Variants in DLGAP1 observed in about 807,000 individuals in gnomAD.
The protein encoded by DLGAP1 is disks large-associated protein 1.
DLGAP1 carries 11 observed loss-of-function variants against 90.8 expected under a neutral mutation model. The ratio of observed to expected loss-of-function variants is 0.12; its 90% CI spans 0.08 to 0.20. DLGAP1 has a LOEUF of 0.20. DLGAP1 is among the 10% of genes least tolerant of loss of function. The pLI, the probability that DLGAP1 is intolerant of heterozygous loss-of-function variation, is 1.00. For synonymous variants in DLGAP1, 558 were observed against 540.7 expected, an observed-to-expected ratio of 1.03 and a Z score of -0.44; for missense variants, 1,050 against 1,333.8, an observed-to-expected ratio of 0.79 and a Z score of 3.31.
intron 3 of DLGAP1, among the ~76,000 whole-genome samples, chr18:3,931,442 G>A (rs1343515400): frequency 2.0e-5 from 3 of 152,118 alleles, no homozygotes; most frequent in African/African-American, 7.2e-5. Flanking sequence ...TGGTCAGATG[G>A]TGGTTTTTAA....
At chr18:3,590,588 C>A (rs2056177787) in intron 7 of DLGAP1, among the ~76,000 whole-genome samples, 1 of 152,098 alleles carries the variant, frequency 6.6e-6, no homozygotes, top group Non-Finnish European at 1.5e-5. Context: ...GGTACGGTGG[C>A]CCACACCTGT....
chr18:3,708,010 C>CATT (rs2061489379), intron 7 of DLGAP1, among the ~76,000 whole-genome samples: 1 of 145,958 alleles, frequency 6.9e-6, no homozygotes. Context: ...TTTGTAATTC[C>CATT]TTTTTTTTTT....
intron 2 of DLGAP1, among the ~76,000 whole-genome samples, chr18:4,127,448 G>GAA (rs1485587336): frequency 1.3e-5 from 2 of 152,022 alleles, no homozygotes; most frequent in Admixed American, 1.3e-4. Flanking sequence ...AGAGAGAAGA[G>GAA]AAAAGAAAAG....
chr18:3,917,066 G>A (rs2072161132), intron 3 of DLGAP1, among the ~76,000 whole-genome samples: 1 of 152,194 alleles, frequency 6.6e-6, no homozygotes, highest in African/African-American at 2.4e-5. Context: ...TTACAAAATA[G>A]GCTTTGTGTT....
intron 3 of DLGAP1, among the ~76,000 whole-genome samples, chr18:3,935,687 A>G (rs1361447824): frequency 1.3e-5 from 2 of 152,222 alleles, no homozygotes; most frequent in Non-Finnish European, 2.9e-5. Flanking sequence ...CTAGGGGTCT[A>G]TGTATCAACA....
At chr18:4,179,090 C>T (rs185186430) in intron 1 of DLGAP1, among the ~76,000 whole-genome samples, 1 of 152,254 alleles carries the variant, frequency 6.6e-6, no homozygotes, top group Non-Finnish European at 1.5e-5. Context: ...GTAGCTCCTT[C>T]GCAGGACAAC....
At chr18:4,175,516 G>A (rs959117287) in intron 1 of DLGAP1, among the ~76,000 whole-genome samples, 3 of 151,950 alleles carry the variant, frequency 2.0e-5, no homozygotes, top group African/African-American at 7.3e-5. Flanking sequence ...GAATGGTATT[G>A]CCTAGGTTTT....
At chr18:3,874,365 G>T in intron 4 of DLGAP1, 1 of 1,490,226 alleles carries the variant, frequency 6.7e-7, no homozygotes, top group South Asian at 1.4e-5. Context: ...TGTTTCTACG[G>T]CTGAATGAAT....
chr18:4,387,663 G>C (rs2082257267), intron 1 of DLGAP1, among the ~76,000 whole-genome samples: 1 of 152,142 alleles, frequency 6.6e-6, no homozygotes, highest in African/African-American at 2.4e-5. Flanking sequence ...TGCAGCTGAG[G>C]AAGTTAAGTA....
chr18:4,286,084 C>T (rs1040540343), intron 1 of DLGAP1, among the ~76,000 whole-genome samples: 2 of 152,172 alleles, frequency 1.3e-5, no homozygotes, highest in South Asian at 4.1e-4. Context: ...CAGCTTATGT[C>T]TCTTCCTCAG....
intron 1 of DLGAP1, among the ~76,000 whole-genome samples, chr18:4,169,701 C>T (rs991835634): frequency 6.6e-6 from 1 of 152,224 alleles, no homozygotes; most frequent in African/African-American, 2.4e-5. Flanking sequence ...AAAATAAATA[C>T]ATCTTTAACG....
intron 3 of DLGAP1, chr18:3,897,056 A>G (rs2071642541): frequency 6.6e-6 from 1 of 152,282 alleles, no homozygotes; most frequent in Non-Finnish European, 1.5e-5. Flanking sequence ...GAATAAAAAA[A>G]GTTTTCCCTG....
chr18:4,079,392 G>C (rs1254050186), intron 2 of DLGAP1, among the ~76,000 whole-genome samples: 1 of 151,562 alleles, frequency 6.6e-6, no homozygotes, highest in Non-Finnish European at 1.5e-5. Context: ...CAGCAATTTG[G>C]ATGGAGTTGG....
intron 1 of DLGAP1, among the ~76,000 whole-genome samples, chr18:4,290,147 G>A (rs2079810328): frequency 6.6e-6 from 1 of 152,160 alleles, no homozygotes; most frequent in Non-Finnish European, 1.5e-5. Flanking sequence ...TACTGTCTCT[G>A]TGCTTGTCAC....
At chr18:3,633,856 T>C (rs1451884414) in intron 7 of DLGAP1, among the ~76,000 whole-genome samples, 2 of 152,210 alleles carry the variant, frequency 1.3e-5, no homozygotes, top group East Asian at 3.8e-4. Context: ...GAATACTACT[T>C]GAATTTCCAT....
At chr18:4,081,281 C>T (rs969170495) in intron 2 of DLGAP1, among the ~76,000 whole-genome samples, 2 of 150,824 alleles carry the variant, frequency 1.3e-5, no homozygotes, top group African/African-American at 4.9e-5. Flanking sequence ...TGCCATTGCA[C>T]TCCAGCCTGG....
At chr18:3,939,645 A>G (rs146668373) in intron 3 of DLGAP1, among the ~76,000 whole-genome samples, 1,739 of 152,248 alleles carry the variant, frequency 0.011, 13 homozygotes, top group Admixed American at 0.021. Flanking sequence ...TGCATATCCA[A>G]AGATAAATTT....
chr18:4,062,689 C>T (rs2075315765), intron 2 of DLGAP1, among the ~76,000 whole-genome samples: 1 of 152,042 alleles, frequency 6.6e-6, no homozygotes, highest in Admixed American at 6.6e-5. Context: ...ATTTTGCAAA[C>T]AAATCAGTCT....
intron 4 of DLGAP1, among the ~76,000 whole-genome samples, chr18:3,877,735 T>G (rs534121379): frequency 3.3e-5 from 5 of 152,184 alleles, no homozygotes; most frequent in Non-Finnish European, 5.9e-5. Context: ...ACCCACTAAG[T>G]ATTTACCTTT....
Sources: gnomAD v4.1 joint callset for allele counts (sites outside exome capture counted in the v4.1 genomes callset) on GRCh38, gnomAD v4.1.1 for gene constraint, MANE v1.5 for transcripts, NCBI Gene and HGNC (gene_info 2026-07-23, HGNC 2026-07-21) for gene names.